The following PSMB4 variants were observed in gnomAD, a reference collection of about 807,000 sequenced individuals.
The protein encoded by PSMB4 is proteasome subunit beta type-4.
PSMB4 carries 16 observed loss-of-function variants against 35.2 expected under a neutral mutation model. The ratio of observed to expected loss-of-function variants is 0.45; its 90% CI spans 0.31 to 0.69. The LOEUF is 0.69. Among genes scored for constraint, PSMB4 ranks in the 30% least tolerant of loss-of-function variants. The pLI, the probability that PSMB4 is intolerant of heterozygous loss-of-function variation, is 0.06. For synonymous variants in PSMB4, 144 were observed against 134.1 expected, an observed-to-expected ratio of 1.07 and a Z score of -0.51; for missense variants, 333 against 351.8, an observed-to-expected ratio of 0.95 and a Z score of 0.43.
Position 151,400,454 on chromosome 1 carries a change from G to A in PSMB4, c.360G>A (p.Glu120=). 2.5e-6 allele frequency: 4 copies of A among 1,613,442 alleles called. No individual in the cohort carries two copies. The highest frequency in any genetic ancestry group is 3.4e-6 in the Non-Finnish European group (4 of 1,179,984). The change falls in exon 3 of 7, where the codon GAG becomes GAA. Residue 120 remains glutamate (E), a synonymous_variant. Coordinates refer to ENST00000290541, the MANE Select transcript of PSMB4 (RefSeq NM_002796.3). ...AATTCCTTTTAAGGATTGATGAGGA[G>A]CTTCTGGGAGATGGACACAGCTATA... ...QVLGQMVIDE[E]LLGDGHSYSP...
rs1571304841 is a variant in PSMB4, at chr1:151,400,002, C to T, written c.162C>T (p.Thr54=). Residue 54 remains threonine, a synonymous_variant, in exon 2 of 7, where the codon ACC becomes ACT. Transcript: ENST00000290541. ...TTAGGAACCCCATGGTGACCGGGAC[C>T]TCAGTCCTCGGCGTTAAGTTCGAGG... The part of the protein sequence containing the change: ...TRTQNPMVTG[T]SVLGVKFEGG... The T allele has an allele frequency of 6.2e-7, 1 of 1,613,898 alleles. No individual in the cohort carries two copies. The highest frequency in any genetic ancestry group is 1.1e-5 in the South Asian group (1 of 91,088).
At position 151,401,930 on chromosome 1, in the gene PSMB4, C is replaced by A. The variant is rs1652862513; in HGVS notation, c.*101C>A. ...TCTTTTGTAAAGTAAATAAATTCTT[C>A]AAAATGCTTGCTGAGTGGTTTTTGT... On this transcript the variant is annotated 3_prime_UTR_variant, in exon 7 of 7. Coordinates refer to ENST00000290541, the MANE Select transcript of PSMB4 (RefSeq NM_002796.3). 7.8e-7 allele frequency: 1 copy of A among 1,285,242 alleles called. No individual in the cohort carries two copies. Among genetic ancestry groups the A allele is most frequent in the Non-Finnish European group, 1.1e-6 (1 of 892,110 alleles). 79.6% of individuals were successfully genotyped at this position (1,285,242 alleles called of 1,614,324 possible).
Position 151,401,342 on chromosome 1 carries a change from G to A in PSMB4, c.680G>A (p.Arg227His), listed in dbSNP as rs753602543. 3 of 1,614,062 alleles carry A rather than the reference G, an allele frequency of 1.9e-6. No individual in the cohort carries two copies. The highest frequency in any genetic ancestry group is 3.3e-5 in the Admixed American group (2 of 60,014). ...CGAGTGCTGTACTACCGAGATGCCC[G>A]TTCTTACAACCGGGTGAGGGATGTG... ...CMRVLYYRDA[R>H]SYNRFQIATV... Residue 227 changes from arginine (R) to histidine (H), a missense_variant, in exon 5 of 7, where the codon CGT (arginine) becomes CAT (histidine). By Grantham distance (29) the Arg-to-His change is conservative. Transcript: ENST00000290541.
intron 6 of PSMB4, 93 bp from the exon 7 acceptor site, chr1:151,401,724 C>T: frequency 1.3e-6 from 2 of 1,551,414 alleles, no homozygotes; most frequent in Non-Finnish European, 1.8e-6. Flanking sequence ...GGAAAATTTT[C>T]TGGGTGGAAA....
rs780569282 is a variant in PSMB4, at chr1:151,399,951, C to T, written c.141-30C>T. On this transcript the variant is annotated intron_variant, in intron 1 of 6. Coordinates refer to ENST00000290541, the MANE Select transcript of PSMB4 (RefSeq NM_002796.3). ...GGAAAGAGGGCGCAGTCCATCCCCC[C>T]TCTCAGCTCCCACCGTTCTCACTCT... is the stretch of plus-strand genomic sequence containing the variant. 1.1e-5 allele frequency: 18 copies of T among 1,604,364 alleles called. No individual in the cohort carries two copies. In the Admixed American group the frequency reaches 1.7e-4, roughly 15 times the overall value.
In PSMB4 at chr1:151,401,349, C is replaced by T; in HGVS notation, c.687C>T (p.Tyr229=). ...TGTACTACCGAGATGCCCGTTCTTA[C>T]AACCGGGTGAGGGATGTGCTGGGAA... ...RVLYYRDARS[Y]NRFQIATVTE... is the part of the protein sequence containing the mutation. The change falls in exon 5 of 7, where the codon TAC becomes TAT. Residue 229 remains tyrosine (Y), a synonymous_variant. Transcript: ENST00000290541. 6.2e-7 allele frequency: 1 copy of T among 1,613,992 alleles called. No individual in the cohort carries two copies. Among genetic ancestry groups the T allele is most frequent in the Non-Finnish European group, 8.5e-7 (1 of 1,179,922 alleles).
At position 151,401,645 on chromosome 1, in the gene PSMB4, A is replaced by G. The variant is rs1321770904; in HGVS notation, c.782+15A>G. The stretch of plus-strand genomic sequence containing the variant: ...CACATGATCAGGTGAGTAATAGGGA[A>G]AAAATTGGTGACAGACTTGGGAGGT... On this transcript the variant is annotated intron_variant, in intron 6 of 6. Transcript: ENST00000290541. The G allele has an allele frequency of 1.3e-6, 2 of 1,588,594 alleles. No individual in the cohort carries two copies. The highest frequency in any genetic ancestry group is 1.7e-6 in the Non-Finnish European group (2 of 1,157,132).
chr1:151,401,442 C>T (rs1009025058), intron 5 of PSMB4, 87 bp downstream of exon 5: 1 of 1,523,198 alleles, frequency 6.6e-7, no homozygotes, highest in African/African-American at 1.4e-5. Context: ...GATTGCCTTA[C>T]TTGTGTGACT....
At position 151,400,428 on chromosome 1, in the gene PSMB4, C is replaced by A; in HGVS notation, c.348-14C>A. 1 of 1,611,062 alleles carries A rather than the reference C, an allele frequency of 6.2e-7. No homozygotes were observed. The highest frequency in any genetic ancestry group is 8.5e-7 in the Non-Finnish European group (1 of 1,178,884). On this transcript the variant is annotated splice_polypyrimidine_tract_variant and intron_variant, in intron 2 of 6. Coordinates refer to ENST00000290541, the MANE Select transcript of PSMB4 (RefSeq NM_002796.3). ...TTAATTCTCTCCCTTTTCTCACAAC[C>A]AATTCCTTTTAAGGATTGATGAGGA...
chr1:151,401,022 A>T, intron 4 of PSMB4, 177 bp downstream of exon 4: 4 of 780,550 alleles, frequency 5.1e-6, no homozygotes, highest in Non-Finnish European at 8.8e-6. Context: ...CAGTGACAAG[A>T]TGACATGACT....
rs1361119468 is a variant in PSMB4 at position 151,399,745 on chromosome 1, T to C, written c.140+18T>C. 6.2e-7 allele frequency: 1 copy of C among 1,613,750 alleles called. No individual in the cohort carries two copies. Among genetic ancestry groups the C allele is most frequent in the Non-Finnish European group, 8.5e-7 (1 of 1,179,972 alleles). ...CGGACCCAGTAAGTTCTCGGCGCTT[T>C]CGTTTGCGTAGCGGGAGGGACCGTG... On this transcript the variant is annotated intron_variant, in intron 1 of 6. Transcript: ENST00000290541.
Position 151,400,565 on chromosome 1 carries a change from C to A in PSMB4, c.471C>A (p.Ile157=), listed in dbSNP as rs751892201. Residue 157 remains isoleucine (I), a synonymous_variant, in exon 3 of 7, where the codon ATC becomes ATA. Coordinates refer to ENST00000290541, the MANE Select transcript of PSMB4 (RefSeq NM_002796.3). ...KMNPLWNTMV[I]GGYADGESFL... ...ACCCTTTGTGGAACACCATGGTCAT[C>A]GGAGGCTATGCTGATGGAGAGAGGT... The A allele has an allele frequency of 2.5e-6, 4 of 1,613,994 alleles. 1 individual carries two copies. The African/African-American group carries it at 5.3e-5, about 22-fold the overall frequency.
At chr1:151,399,889 A>G (rs1419175837) in intron 1 of PSMB4, 92 bp from the exon 2 acceptor site, 4 of 1,538,500 alleles carry the variant, frequency 2.6e-6, no homozygotes. Context: ...AATAATTGGA[A>G]GGAATTATAG....
chr1:151,400,656 GTC>G, intron 3 of PSMB4, 68 bp downstream of exon 3: 2 of 1,611,658 alleles, frequency 1.2e-6, no homozygotes, highest in South Asian at 2.2e-5. Context: ...TATCTCTTCT[GTC>G]TCTTCTCCCC....
At position 151,400,143 on chromosome 1, in the gene PSMB4, C is replaced by T. The variant is rs1166388762; in HGVS notation, c.303C>T (p.Asp101=). The change falls in exon 2 of 7, where the codon GAC becomes GAT. Residue 101 remains aspartate, a synonymous_variant. Transcript: ENST00000290541. The part of the protein sequence containing the change: ...NNSTMLGASG[D]YADFQYLKQV... ...GTACCATGCTGGGTGCCTCTGGCGA[C>T]TACGCTGATTTCCAGTATTTGAAGC... 2 of 1,614,040 alleles carry T rather than the reference C, an allele frequency of 1.2e-6. No individual in the cohort carries two copies. The highest frequency in any genetic ancestry group is 2.7e-5 in the African/African-American group (2 of 74,906).
At position 151,400,551 on chromosome 1, in the gene PSMB4, A is replaced by G; in HGVS notation, c.457A>G (p.Asn153Asp). The change falls in exon 3 of 7, where the codon AAC becomes GAC. Residue 153 changes from asparagine to aspartate, a missense_variant. By Grantham distance (23) the Asn-to-Asp change is conservative (BLOSUM62 1). Coordinates refer to ENST00000290541, the MANE Select transcript of PSMB4 (RefSeq NM_002796.3). The stretch of plus-strand genomic sequence containing the variant: ...GCGCTCGAAGATGAACCCTTTGTGG[A>G]ACACCATGGTCATCGGAGGCTATGC... ...SRRSKMNPLWNTMVIGGYADG... is the reference protein window; with the variant it reads ...SRRSKMNPLWDTMVIGGYADG... The G allele has an allele frequency of 6.2e-7, 1 of 1,614,154 alleles. No homozygotes were observed. Among genetic ancestry groups the G allele is most frequent in the Non-Finnish European group, 8.5e-7 (1 of 1,180,028 alleles).
chr1:151,401,518 A>G, intron 5 of PSMB4, 24 bp from the exon 6 acceptor site: 1 of 1,586,552 alleles, frequency 6.3e-7, no homozygotes, highest in Non-Finnish European at 8.7e-7. Context: ...CGTGGGCATT[A>G]TTGAATGCTC....
intron 3 of PSMB4, 57 bp downstream of exon 3, chr1:151,400,645 G>C (rs1652777179): frequency 6.2e-7 from 1 of 1,612,824 alleles, no homozygotes; most frequent in Non-Finnish European, 8.5e-7. Flanking sequence ...TACCTGTGTA[G>C]TATCTCTTCT....
At position 151,400,949 on chromosome 1, in the gene PSMB4, T is replaced by C. The variant is rs533232005; in HGVS notation, c.576+104T>C. On this transcript the variant is annotated intron_variant, in intron 4 of 6. Transcript: ENST00000290541. ...TTCTGATATGAGGGATGGGCTGGGATCGCTATTACTGGGCAGATGGTTTTC... is the reference window on the plus strand; with the variant it reads ...TTCTGATATGAGGGATGGGCTGGGACCGCTATTACTGGGCAGATGGTTTTC... 7 of 1,187,652 alleles carry C rather than the reference T, an allele frequency of 5.9e-6. No homozygotes were observed. In the East Asian group the frequency reaches 1.4e-4, roughly 24 times the overall value. The allele number at this position is 1,187,652 out of a possible 1,614,324, so 73.6% of individuals were successfully genotyped here. A position where few individuals can be genotyped will look rare whatever the true frequency, so the allele number is the denominator to read the frequency against.
Sources: gnomAD v4.1 joint callset for allele counts on GRCh38, gnomAD v4.1.1 for gene constraint, MANE v1.5 for transcripts, NCBI Gene and HGNC (gene_info 2026-07-23, HGNC 2026-07-21) for gene names.